The following FXN variants were observed in gnomAD, a reference collection of about 807,000 sequenced individuals.
The protein encoded by FXN is frataxin, mitochondrial.
FXN carries 14 observed loss-of-function variants against 22.4 expected under a neutral mutation model. The ratio of observed to expected loss-of-function variants is 0.62; its 90% CI spans 0.41 to 0.98. FXN has a LOEUF of 0.98. FXN is among the 50% of genes least tolerant of loss of function. FXN has a pLI of 0.00. For missense variants in FXN, 267 were observed against 268.4 expected (o/e 0.99, Z 0.04); for synonymous variants, 120 against 114.1 (o/e 1.05, Z -0.33).
chr9:69,039,204 C>T (rs1050645605), intron 1 of FXN, among the ~76,000 whole-genome samples: 8 of 151,196 alleles, frequency 5.3e-5, no homozygotes, highest in South Asian at 4.2e-4. Flanking sequence ...TGCAGTGAGC[C>T]GAGATCGCAC....
At position 69,060,244 on chromosome 9, in the gene FXN, G is replaced by A. The variant is rs775125985; in HGVS notation, c.385-4694G>A. ...AAATTAGCTGGGCGTGGTGGTGGGC[G>A]CCTGTAGTCCCAGCTACTCGGGAAG... On this transcript the variant is annotated intron_variant, in intron 3 of 4. Coordinates refer to ENST00000484259, the MANE Select transcript of FXN (RefSeq NM_000144.5). Among the ~76,000 whole-genome samples, 126 of 152,208 alleles carry A rather than the reference G, an allele frequency of 8.3e-4. 1 individual carries two copies. The highest frequency in any genetic ancestry group is 1.3e-3 in the Admixed American group (20 of 15,272).
At chr9:69,058,599 T>C (rs1181470757) in intron 3 of FXN, among the ~76,000 whole-genome samples, 2 of 139,578 alleles carry the variant, frequency 1.4e-5, no homozygotes, top group Non-Finnish European at 3.2e-5. Flanking sequence ...TACTCACCTG[T>C]TAAAAAAAAA....
intron 3 of FXN, among the ~76,000 whole-genome samples, chr9:69,059,074 A>G (rs1325578704): frequency 2.0e-5 from 3 of 152,124 alleles, no homozygotes; most frequent in Non-Finnish European, 4.4e-5. Flanking sequence ...TCTTAAAAAA[A>G]AAGAAAAGAA....
At chr9:69,067,032 G>A (rs1405290260) in intron 4 of FXN, among the ~76,000 whole-genome samples, 1 of 152,218 alleles carries the variant, frequency 6.6e-6, no homozygotes, top group Non-Finnish European at 1.5e-5. Context: ...GGCCACCGCC[G>A]GATGGGAGTC....
chr9:69,064,184 C>T (rs1363355380), intron 3 of FXN, among the ~76,000 whole-genome samples: 3 of 152,178 alleles, frequency 2.0e-5, no homozygotes, highest in Non-Finnish European at 2.9e-5. Context: ...TCATATCTCA[C>T]CCATTCTAAA....
In FXN at chr9:69,077,469, A is replaced by T. The variant is rs10869821; in HGVS notation, c.*4707A>T. On this transcript the variant is annotated 3_prime_UTR_variant, in exon 5 of 5. Coordinates refer to ENST00000484259, the MANE Select transcript of FXN (RefSeq NM_000144.5). Reference sequence around the variant, plus strand: ...TATTTAGACAGTTGAGGAAAACATCAGCACCCAGCAGTAAAATTGGCTCTC... The same window carrying T: ...TATTTAGACAGTTGAGGAAAACATCTGCACCCAGCAGTAAAATTGGCTCTC... 2.0e-6 allele frequency: 2 copies of T among 984,902 alleles called. No individual in the cohort carries two copies. The highest frequency in any genetic ancestry group is 3.5e-5 in the African/African-American group (2 of 57,156). 61.0% of individuals were successfully genotyped at this position (984,902 alleles called of 1,614,324 possible).
intron 4 of FXN, among the ~76,000 whole-genome samples, chr9:69,071,007 G>C (rs1018223647): frequency 6.6e-6 from 1 of 151,970 alleles, no homozygotes; most frequent in Non-Finnish European, 1.5e-5. Flanking sequence ...AATTTGACAA[G>C]TTTTCAGGTC....
intron 4 of FXN, 95 bp from the exon 5 acceptor site, chr9:69,072,517 C>T: frequency 6.2e-7 from 1 of 1,605,200 alleles, no homozygotes; most frequent in Non-Finnish European, 8.5e-7. Context: ...TAGAGCTTTA[C>T]TCCAGTCAAT....
rs1832411994 is a variant in FXN at position 69,078,573 on chromosome 9, A to G, written c.*5811A>G. 2.0e-6 allele frequency: 2 copies of G among 985,562 alleles called. No individual in the cohort carries two copies. Among genetic ancestry groups the G allele is most frequent in the Non-Finnish European group, 1.2e-6 (1 of 829,922 alleles). The allele number at this position is 985,562 out of a possible 1,614,324, so 61.1% of individuals were successfully genotyped here. A position where few individuals can be genotyped will look rare whatever the true frequency, so the allele number is the denominator to read the frequency against. On this transcript the variant is annotated 3_prime_UTR_variant, in exon 5 of 5. Coordinates refer to ENST00000484259, the MANE Select transcript of FXN (RefSeq NM_000144.5). Reference sequence around the variant, plus strand: ...TTAGCCTGAAAAATGTGCTTTTCTGACTGAACTGTTCAGGCACTGACTCTA... The same window carrying G: ...TTAGCCTGAAAAATGTGCTTTTCTGGCTGAACTGTTCAGGCACTGACTCTA...
intron 1 of FXN, among the ~76,000 whole-genome samples, 195 bp from the exon 2 acceptor site, chr9:69,046,190 C>T (rs1156768961): frequency 6.6e-6 from 1 of 152,030 alleles, no homozygotes; most frequent in African/African-American, 2.4e-5. Flanking sequence ...AAGTAGGAAA[C>T]CGGGAACCAG....
chr9:69,043,159 A>C (rs1427417534), intron 1 of FXN, among the ~76,000 whole-genome samples: 1 of 152,214 alleles, frequency 6.6e-6, no homozygotes, highest in East Asian at 1.9e-4. Flanking sequence ...TTCCCAGCCA[A>C]GGTCCAACAA....
intron 3 of FXN, among the ~76,000 whole-genome samples, chr9:69,056,023 A>G (rs960874034): frequency 1.3e-5 from 2 of 151,970 alleles, no homozygotes; most frequent in Non-Finnish European, 2.9e-5. Context: ...AGCTGGGACT[A>G]CAGGCACATG....
intron 4 of FXN, among the ~76,000 whole-genome samples, chr9:69,068,740 G>C (rs1021620252): frequency 1.3e-5 from 2 of 152,250 alleles, no homozygotes; most frequent in Non-Finnish European, 2.9e-5. Flanking sequence ...CCAGGGCCAA[G>C]ATGCGGCCAG....
chr9:69,076,547 T>G lies in FXN; in HGVS notation c.*3785T>G, dbSNP rs1032781837. 6.1e-6 allele frequency: 6 copies of G among 985,296 alleles called. No individual in the cohort carries two copies. In the African/African-American group the frequency reaches 1.0e-4, roughly 17 times the overall value. The allele number at this position is 985,296 out of a possible 1,614,324, so 61.0% of individuals were successfully genotyped here. On this transcript the variant is annotated 3_prime_UTR_variant, in exon 5 of 5. Transcript: ENST00000484259. Reference sequence around the variant, plus strand: ...AAAACTATTTTAGCCAATTTAAAATTTGACAGTTTGCATTAAATTATAGGT... The same window carrying G: ...AAAACTATTTTAGCCAATTTAAAATGTGACAGTTTGCATTAAATTATAGGT...
Position 69,078,770 on chromosome 9 carries a change from C to T in FXN, c.*6008C>T. The T allele has an allele frequency of 1.0e-6, 1 of 985,636 alleles. No homozygotes were observed. The highest frequency in any genetic ancestry group is 1.2e-6 in the Non-Finnish European group (1 of 830,062). 61.1% of individuals were successfully genotyped at this position (985,636 alleles called of 1,614,324 possible). A position where few individuals can be genotyped will look rare whatever the true frequency, so the allele number is the denominator to read the frequency against. ...ATCTCTGCCTGGGGGGTAGATTCTA[C>T]CCTGAAAAATGTTCTTGGCACAGCC... On this transcript the variant is annotated 3_prime_UTR_variant, in exon 5 of 5. Transcript: ENST00000484259.
chr9:69,036,266 C>G, intron 1 of FXN: 1 of 200,618 alleles, frequency 5.0e-6, no homozygotes, highest in Non-Finnish European at 9.9e-6. Flanking sequence ...GTGCGGCTGT[C>G]TCCATGCTTG....
At chr9:69,068,446 C>T (rs889994903) in intron 4 of FXN, among the ~76,000 whole-genome samples, 1 of 152,284 alleles carries the variant, frequency 6.6e-6, no homozygotes, top group East Asian at 1.9e-4. Flanking sequence ...CACAGGGTTC[C>T]GAGTGGTGAT....
Position 69,073,856 on chromosome 9 carries a change from C to G in FXN, c.*1094C>G, listed in dbSNP as rs1832318415. 3 of 985,308 alleles carry G rather than the reference C, an allele frequency of 3.0e-6. No individual in the cohort carries two copies. The African/African-American group carries it at 5.2e-5, about 17-fold the overall frequency. 61.0% of individuals were successfully genotyped at this position (985,308 alleles called of 1,614,324 possible). On this transcript the variant is annotated 3_prime_UTR_variant, in exon 5 of 5. Coordinates refer to ENST00000484259, the MANE Select transcript of FXN (RefSeq NM_000144.5). ...AGGAAACATTGTTATTGGTGTTGCCCTATCGTGATTTCAGTTGAATTCATG... is the reference window on the plus strand; with the variant it reads ...AGGAAACATTGTTATTGGTGTTGCCGTATCGTGATTTCAGTTGAATTCATG...
In FXN at chr9:69,046,500, C is replaced by A. The variant is rs770484040; in HGVS notation, c.263+18C>A. 1 of 1,547,696 alleles carries A rather than the reference C, an allele frequency of 6.5e-7. No homozygotes were observed. The highest frequency in any genetic ancestry group is 8.9e-7 in the Non-Finnish European group (1 of 1,120,658). ...CACCCAGGGTAAGATAAAACACCTT[C>A]CACGTCATAGGTATCTTCCTCTCTC... is the stretch of plus-strand genomic sequence containing the variant. On this transcript the variant is annotated intron_variant, in intron 2 of 4. Transcript: ENST00000484259.
Sources: allele counts gnomAD v4.1 joint callset (sites outside exome capture counted in the v4.1 genomes callset), GRCh38; gene constraint gnomAD v4.1.1; transcripts MANE v1.5; gene names NCBI Gene and HGNC (gene_info 2026-07-23, HGNC 2026-07-21).